Variants in MOB2 observed in about 807,000 individuals in gnomAD.
MOB2 encodes MOB kinase activator 2.
In MOB2, 14 loss-of-function variants were observed where a neutral mutation model predicts 27.4. The ratio of observed to expected loss-of-function variants is 0.51; its 90% CI spans 0.34 to 0.80. The LOEUF is 0.80. Among genes scored for constraint, MOB2 ranks in the 30% least tolerant of loss-of-function variants. The pLI is 0.01. For missense variants in MOB2, 304 were observed against 354.6 expected (o/e 0.86, Z 1.15); for synonymous variants, 167 against 151.8 (o/e 1.10, Z -0.74).
chr11:1,480,779 C>A lies in MOB2; in HGVS notation c.217G>T (p.Glu73Ter), dbSNP rs1289364143. 5 of 1,604,254 alleles carry A rather than the reference C, an allele frequency of 3.1e-6. No individual in the cohort carries two copies. The African/African-American group carries it at 4.0e-5, about 13-fold the overall frequency. The change falls in exon 2 of 5, where the codon GAG becomes TAG. Residue 73 changes from glutamate (E) to a stop codon, truncating the protein, a stop_gained. Coordinates refer to ENST00000329957, the MANE Select transcript of MOB2 (RefSeq NM_001172223.3). LOFTEE classifies it high-confidence loss of function. ...ATCTCGCGGGGCAGCACCACCAGCT[C>A]CTTGAACTGGAAGTCGGTGATCCTG... ...KARITDFQFK[E>*]LVVLPREIDL... is the part of the protein sequence containing the mutation.
At chr11:1,480,629 G>C in intron 2 of MOB2, 96 bp downstream of exon 2, 1 of 1,536,300 alleles carries the variant, frequency 6.5e-7, no homozygotes, top group Non-Finnish European at 8.8e-7. Flanking sequence ...CGCGGCAGGG[G>C]GCTGCTGAGC....
At chr11:1,485,668 ACT>A (rs1847962148) in intron 1 of MOB2, among the ~76,000 whole-genome samples, 1 of 151,454 alleles carries the variant, frequency 6.6e-6, no homozygotes, top group Non-Finnish European at 1.5e-5. Flanking sequence ...GGGAGGACAC[ACT>A]CACTGCTGCA....
chr11:1,472,327 C>G (rs1847802945), intron 3 of MOB2: 1 of 152,196 alleles, frequency 6.6e-6, no homozygotes, highest in South Asian at 2.1e-4. Context: ...CACCCACAGG[C>G]AGTGGAGAGT....
At position 1,470,246 on chromosome 11, in the gene MOB2, C is replaced by A; in HGVS notation, c.733G>T (p.Val245Phe). The change falls in exon 5 of 5, where the codon GTC (valine) becomes TTC (phenylalanine). Residue 245 changes from valine (V) to phenylalanine (F), a missense_variant. By Grantham distance (50) the Val-to-Phe change is conservative. Transcript: ENST00000329957. ...CCATCCCCACTGCCCCCACTGTGGACCCCGCCGGCCCCGCTGCATAGCACC... is the reference window on the plus strand; with the variant it reads ...CCATCCCCACTGCCCCCACTGTGGAACCCGCCGGCCCCGCTGCATAGCACC... ...TEVLCSGAGG[V>F]HSGGSGDGAG... 6.2e-7 allele frequency: 1 copy of A among 1,612,588 alleles called. No homozygotes were observed. Among genetic ancestry groups the A allele is most frequent in the Non-Finnish European group, 8.5e-7 (1 of 1,179,846 alleles).
chr11:1,472,821 TGTCTCCGGGCACAGGGCCTCCAGC>T (rs1179581814), intron 3 of MOB2: 82 of 115,006 alleles, frequency 7.1e-4, no homozygotes, highest in Middle Eastern at 8.8e-3. Context: ...GGGCCTCCAG[TGTCTCCGGGCACAGGGCCTCCAGC>T]GTCTCCGGGC....
chr11:1,478,050 C>A (rs1847871212), intron 3 of MOB2, among the ~76,000 whole-genome samples: 1 of 152,252 alleles, frequency 6.6e-6, no homozygotes, highest in Admixed American at 6.5e-5. Flanking sequence ...CTCTGCAAGG[C>A]CTGCTCAAAG....
At chr11:1,476,126 C>T (rs1847850248) in intron 3 of MOB2, among the ~76,000 whole-genome samples, 1 of 152,252 alleles carries the variant, frequency 6.6e-6, no homozygotes, top group South Asian at 2.1e-4. Context: ...CATCACACTG[C>T]TCAGAACAGC....
rs1847973256 is a variant in MOB2, at chr11:1,486,619, A to G, written c.-63T>C. 4.4e-6 allele frequency: 5 copies of G among 1,143,176 alleles called. No individual in the cohort carries two copies. Among genetic ancestry groups the G allele is most frequent in the Non-Finnish European group, 6.3e-6 (5 of 795,470 alleles). The allele number at this position is 1,143,176 out of a possible 1,614,324, so 70.8% of individuals were successfully genotyped here. On this transcript the variant is annotated 5_prime_UTR_variant, in exon 1 of 5. Transcript: ENST00000329957. ...GGGGTGCCGGCTGGCCAGCACTCGC[A>G]AATGCCTGCTGCCGGGCCCTCCAGC...
In MOB2 at chr11:1,470,309, C is replaced by T; in HGVS notation, c.670G>A (p.Asp224Asn). ...TCCATGATGGCGGTCTCTTTGGGGT[C>T]CAGCAGGTTGAACTCCCGAGCAAAG... The part of the protein sequence containing the change: ...ILFAREFNLL[D>N]PKETAIMDDL... The change falls in exon 5 of 5, where the codon GAC becomes AAC. Residue 224 changes from aspartate to asparagine, a missense_variant. Asp to Asn is a conservative substitution (Grantham distance 23, BLOSUM62 1). Coordinates refer to ENST00000329957, the MANE Select transcript of MOB2 (RefSeq NM_001172223.3). 1 of 1,613,424 alleles carries T rather than the reference C, an allele frequency of 6.2e-7. No individual in the cohort carries two copies. The highest frequency in any genetic ancestry group is 8.5e-7 in the Non-Finnish European group (1 of 1,179,890).
intron 1 of MOB2, among the ~76,000 whole-genome samples, chr11:1,484,576 AG>A (rs370317380): frequency 6.6e-5 from 10 of 152,178 alleles, no homozygotes; most frequent in African/African-American, 2.4e-4. Flanking sequence ...CTTGCTGCCC[AG>A]GGTGCACGCC....
Position 1,470,271 on chromosome 11 carries a change from C to G in MOB2, c.708G>C (p.Glu236Asp), listed in dbSNP as rs1847769146. Residue 236 changes from glutamate to aspartate, a missense_variant, in exon 5 of 5, where the codon GAG (glutamate) becomes GAC (aspartate). Coordinates refer to ENST00000329957, the MANE Select transcript of MOB2 (RefSeq NM_001172223.3). ...KETAIMDDLTEVLCSGAGGVH... is the reference protein window; with the variant it reads ...KETAIMDDLTDVLCSGAGGVH... ...CCCCGCCGGCCCCGCTGCATAGCAC[C>G]TCGGTGAGGTCGTCCATGATGGCGG... is the stretch of plus-strand genomic sequence containing the variant. 6.2e-7 allele frequency: 1 copy of G among 1,613,040 alleles called. No individual in the cohort carries two copies. Among genetic ancestry groups the G allele is most frequent in the South Asian group, 1.1e-5 (1 of 91,090 alleles).
At position 1,470,020 on chromosome 11, in the gene MOB2, G is replaced by A. The variant is rs960238405; in HGVS notation, c.*152C>T. 1.1e-5 allele frequency: 17 copies of A among 1,531,770 alleles called. No homozygotes were observed. Among genetic ancestry groups the A allele is most frequent in the Middle Eastern group, 1.7e-4 (1 of 6,002 alleles). 94.9% of individuals were successfully genotyped at this position (1,531,770 alleles called of 1,614,324 possible). ...ACAGGACACGGCCGGGGCCGTCTGC[G>A]TCTGTGCCTGTGCAGCCCACACCAG... On this transcript the variant is annotated 3_prime_UTR_variant, in exon 5 of 5. Transcript: ENST00000329957.
chr11:1,478,045 C>A (rs1345475392), intron 3 of MOB2, among the ~76,000 whole-genome samples: 1 of 152,238 alleles, frequency 6.6e-6, no homozygotes, highest in Non-Finnish European at 1.5e-5. Flanking sequence ...ATAAGCTCTG[C>A]AAGGCCTGCT....
At position 1,480,708 on chromosome 11, in the gene MOB2, C is replaced by G. The variant is rs1475714394; in HGVS notation, c.271+17G>C. The G allele has an allele frequency of 6.3e-7, 1 of 1,598,188 alleles. No individual in the cohort carries two copies. Among genetic ancestry groups the G allele is most frequent in the East Asian group, 2.3e-5 (1 of 44,152 alleles). The stretch of plus-strand genomic sequence containing the variant: ...GCAGGGAGGAGGGAGGGGGCCCGCC[C>G]CCAGGCCCCCGCGCACTGTTGCTGG... On this transcript the variant is annotated intron_variant, in intron 2 of 4. Transcript: ENST00000329957.
rs1054386544 is a variant in MOB2, at chr11:1,471,853, C to T, written c.366-434G>A. 16 of 158,872 alleles carry T rather than the reference C, an allele frequency of 1.0e-4. No individual in the cohort carries two copies. The South Asian group carries it at 1.6e-3, about 16-fold the overall frequency. The allele number at this position is 158,872 out of a possible 1,614,324, so 9.8% of individuals were successfully genotyped here. ...GTGCTGTGGCTCGCCGGCCAGGCCC[C>T]ACCCTTTGGGAGAGCCCTGCTCTGA... On this transcript the variant is annotated intron_variant, in intron 3 of 4. Transcript: ENST00000329957.
intron 3 of MOB2, among the ~76,000 whole-genome samples, chr11:1,474,920 A>T (rs1356065152): frequency 6.6e-6 from 1 of 152,220 alleles, no homozygotes; most frequent in East Asian, 1.9e-4. Context: ...ATTTCAGTTA[A>T]TTTGTCCCTC....
At position 1,469,760 on chromosome 11, in the gene MOB2, CCCCACCCCCAGAGCAGAG is replaced by C. The variant is rs1338226667; in HGVS notation, c.*394_*411del. On this transcript the variant is annotated 3_prime_UTR_variant, in exon 5 of 5. Coordinates refer to ENST00000329957, the MANE Select transcript of MOB2 (RefSeq NM_001172223.3). The stretch of plus-strand genomic sequence containing the variant: ...GAAGGAGGGTCTCTGTGAAAGCAAG[CCCCACCCCCAGAGCAGAG>C]CAGAGACCCAGGTCTGCAAATCACA... The C allele has an allele frequency of 1.5e-5, 7 of 475,018 alleles. No homozygotes were observed. Among genetic ancestry groups the C allele is most frequent in the Non-Finnish European group, 2.9e-5 (7 of 239,774 alleles). 29.4% of individuals were successfully genotyped at this position (475,018 alleles called of 1,614,324 possible). A position where few individuals can be genotyped will look rare whatever the true frequency, so the allele number is the denominator to read the frequency against.
Position 1,469,777 on chromosome 11 carries a change from A to G in MOB2, c.*395T>C, listed in dbSNP as rs1259910605. The G allele has an allele frequency of 4.1e-6, 2 of 485,418 alleles. No individual in the cohort carries two copies. The highest frequency in any genetic ancestry group is 1.9e-5 in the African/African-American group (1 of 51,290). 30.1% of individuals were successfully genotyped at this position (485,418 alleles called of 1,614,324 possible). On this transcript the variant is annotated 3_prime_UTR_variant, in exon 5 of 5. Coordinates refer to ENST00000329957, the MANE Select transcript of MOB2 (RefSeq NM_001172223.3). ...AAAGCAAGCCCCACCCCCAGAGCAG[A>G]GCAGAGACCCAGGTCTGCAAATCAC...
At chr11:1,473,277 C>A (rs1847815670) in intron 3 of MOB2, 1 of 152,346 alleles carries the variant, frequency 6.6e-6, no homozygotes, top group African/African-American at 2.4e-5. Flanking sequence ...TTCACGCCCA[C>A]CTTCCCAGGC....
Sources: gnomAD v4.1 joint callset for allele counts (sites outside exome capture counted in the v4.1 genomes callset) on GRCh38, gnomAD v4.1.1 for gene constraint, MANE v1.5 for transcripts, NCBI Gene and HGNC (gene_info 2026-07-23, HGNC 2026-07-21) for gene names.